The following GALNTL6 variants were observed in gnomAD, a reference collection of about 807,000 sequenced individuals.
GALNTL6 encodes the protein polypeptide N-acetylgalactosaminyltransferase-like 6.
A neutral mutation model predicts 73.7 loss-of-function variants in GALNTL6; 46 were observed. That is an observed-to-expected ratio of 0.62 (90% CI 0.49 to 0.80). The LOEUF (loss-of-function observed/expected upper bound fraction) is 0.80. GALNTL6 is among the 30% of genes least tolerant of loss of function. GALNTL6 has a pLI of 0.00. For missense variants in GALNTL6, 604 were observed against 755.0 expected (o/e 0.80, Z 2.34); for synonymous variants, 259 against 263.7 (o/e 0.98, Z 0.17).
rs557750116 is a variant in GALNTL6 at position 172,481,332 on chromosome 4, T to C, written c.553+132643T>C. 5.3e-4 allele frequency among the ~76,000 whole-genome samples: 69 copies of C among 130,300 alleles called. 1 individual carries two copies. The South Asian group carries it at 0.016, about 31-fold the overall frequency. The allele number at this position is 130,300 out of a possible 152,430, so 85.5% of individuals were successfully genotyped here. On this transcript the variant is annotated intron_variant, in intron 5 of 12. Coordinates refer to ENST00000506823, the MANE Select transcript of GALNTL6 (RefSeq NM_001034845.3). Reference sequence around the variant, plus strand: ...CCTTCATGGTGAGTGTTACAGCTCATAAAGGCAGTGCGGACCCAAAGAGTG... The same window carrying C: ...CCTTCATGGTGAGTGTTACAGCTCACAAAGGCAGTGCGGACCCAAAGAGTG...
intron 5 of GALNTL6, among the ~76,000 whole-genome samples, chr4:172,739,287 G>C (rs1736662824): frequency 6.6e-6 from 1 of 152,132 alleles, no homozygotes; most frequent in African/African-American, 2.4e-5. Context: ...TTATTTTGTG[G>C]AAAATTCTTA....
At chr4:172,686,053 A>G (rs1328842092) in intron 5 of GALNTL6, among the ~76,000 whole-genome samples, 1 of 152,224 alleles carries the variant, frequency 6.6e-6, no homozygotes, top group Non-Finnish European at 1.5e-5. Flanking sequence ...CAAAATAATT[A>G]GACCACTATA....
chr4:171,995,451 G>C (rs1233050348), intron 2 of GALNTL6, among the ~76,000 whole-genome samples: 1 of 151,866 alleles, frequency 6.6e-6, no homozygotes, highest in Non-Finnish European at 1.5e-5. Flanking sequence ...ATTCTGTACA[G>C]AATTTGCCAC....
intron 5 of GALNTL6, among the ~76,000 whole-genome samples, chr4:172,610,861 G>A (rs1351148430): frequency 6.6e-6 from 1 of 152,092 alleles, no homozygotes; most frequent in African/African-American, 2.4e-5. Flanking sequence ...TTATGAATCT[G>A]GATGTTCCTG....
At chr4:172,839,964 C>T (rs1008077255) in intron 7 of GALNTL6, among the ~76,000 whole-genome samples, 10 of 152,172 alleles carry the variant, frequency 6.6e-5, no homozygotes, top group African/African-American at 2.4e-4. Context: ...TTTCTGAAGA[C>T]TAGTTGTCTT....
intron 5 of GALNTL6, among the ~76,000 whole-genome samples, chr4:172,656,351 A>G (rs1448281992): frequency 6.6e-6 from 1 of 152,192 alleles, no homozygotes; most frequent in African/African-American, 2.4e-5. Context: ...GTGACCTTCA[A>G]CCTTGGAATC....
At chr4:172,074,587 G>A (rs74978830) in intron 2 of GALNTL6, among the ~76,000 whole-genome samples, 256 of 151,888 alleles carry the variant, frequency 1.7e-3, no homozygotes, top group African/African-American at 6.0e-3. Flanking sequence ...TGGTCATATA[G>A]CATATGACAA....
At chr4:172,504,168 A>AAAAAAAAAAAAAC (rs1383311687) in intron 5 of GALNTL6, among the ~76,000 whole-genome samples, 1 of 41,858 alleles carries the variant, frequency 2.4e-5, no homozygotes, top group Non-Finnish European at 5.1e-5. Flanking sequence ...TCAAAAAAAA[A>AAAAAAAAAAAAAC]AAAAAAAAAA....
chr4:172,508,930 T>C lies in GALNTL6; in HGVS notation c.553+160241T>C, dbSNP rs1381357017. Among the ~76,000 whole-genome samples, 2 of 41,492 alleles carry C rather than the reference T, an allele frequency of 4.8e-5. 1 individual carries two copies. Among genetic ancestry groups the C allele is most frequent in the African/African-American group, 1.2e-4 (2 of 16,196 alleles). The allele number at this position is 41,492 out of a possible 152,430, so 27.2% of individuals were successfully genotyped here. ...TCTGAGTACATACCCAGTAGTGGGA[T>C]TGCTGGATCAACAGTAGATTTTCTA... On this transcript the variant is annotated intron_variant, in intron 5 of 12. Coordinates refer to ENST00000506823, the MANE Select transcript of GALNTL6 (RefSeq NM_001034845.3).
chr4:172,693,456 C>G (rs1481942739), intron 5 of GALNTL6, among the ~76,000 whole-genome samples: 2 of 152,220 alleles, frequency 1.3e-5, no homozygotes, highest in African/African-American at 4.8e-5. Context: ...CTCTTCTTAA[C>G]TGGCTCTCTG....
At chr4:172,010,986 A>G (rs7656738) in intron 2 of GALNTL6, among the ~76,000 whole-genome samples, 101,658 of 151,928 alleles carry the variant, frequency 0.67, 36,798 homozygotes, top group Non-Finnish European at 0.8. Flanking sequence ...TGATTAATAG[A>G]GAAATTGCAA....
At chr4:172,639,831 C>A (rs1739885120) in intron 5 of GALNTL6, among the ~76,000 whole-genome samples, 1 of 152,072 alleles carries the variant, frequency 6.6e-6, no homozygotes, top group Non-Finnish European at 1.5e-5. Flanking sequence ...GTTTTAATAC[C>A]ATGTATAAAA....
chr4:171,924,728 A>G (rs1052512894), intron 2 of GALNTL6, among the ~76,000 whole-genome samples: 1 of 152,214 alleles, frequency 6.6e-6, no homozygotes, highest in African/African-American at 2.4e-5. Flanking sequence ...TTATCAGAAC[A>G]TGACTAGAAG....
intron 5 of GALNTL6, among the ~76,000 whole-genome samples, chr4:172,673,859 G>A (rs957969348): frequency 3.9e-5 from 6 of 152,130 alleles, no homozygotes; most frequent in African/African-American, 1.2e-4. Flanking sequence ...GAGCTTATGT[G>A]TGTCATTACA....
intron 2 of GALNTL6, among the ~76,000 whole-genome samples, chr4:171,875,519 G>A (rs908354223): frequency 1.3e-5 from 2 of 152,060 alleles, no homozygotes; most frequent in Admixed American, 1.3e-4. Context: ...TGATCAATAC[G>A]AATCCTACCT....
At chr4:172,183,044 T>C (rs1735303631) in intron 2 of GALNTL6, among the ~76,000 whole-genome samples, 1 of 152,242 alleles carries the variant, frequency 6.6e-6, no homozygotes, top group Admixed American at 6.5e-5. Flanking sequence ...CCTGATTTGC[T>C]GTACAACCTA....
intron 5 of GALNTL6, among the ~76,000 whole-genome samples, chr4:172,452,650 C>G: frequency 6.6e-6 from 1 of 152,136 alleles, no homozygotes; most frequent in African/African-American, 2.4e-5. Context: ...CTTTAAATAA[C>G]TGAAATTGTG....
chr4:172,471,212 G>A (rs891678944), intron 5 of GALNTL6, among the ~76,000 whole-genome samples: 17 of 152,130 alleles, frequency 1.1e-4, no homozygotes, highest in Admixed American at 9.2e-4. Flanking sequence ...CATGCAGGTT[G>A]ATCAATATTT....
intron 2 of GALNTL6, among the ~76,000 whole-genome samples, chr4:171,855,044 C>T (rs1020812611): frequency 5.9e-5 from 9 of 152,024 alleles, no homozygotes; most frequent in Non-Finnish European, 1.2e-4. Flanking sequence ...GTTACATGCA[C>T]CCCCTTTCCC....
Sources: gnomAD v4.1 joint callset for allele counts (sites outside exome capture counted in the v4.1 genomes callset) on GRCh38, gnomAD v4.1.1 for gene constraint, MANE v1.5 for transcripts, NCBI Gene and HGNC (gene_info 2026-07-23, HGNC 2026-07-21) for gene names.